Variants in ZNF705B observed in about 807,000 individuals in gnomAD.
ZNF705B encodes the protein zinc finger protein 705B.
ZNF705B carries 1 observed loss-of-function variant against 10.5 expected under a neutral mutation model. The ratio of observed to expected loss-of-function variants is 0.10; its 90% CI spans 0.03 to 0.45. ZNF705B has a LOEUF of 0.45. Among genes scored for constraint, ZNF705B ranks in the 20% least tolerant of loss-of-function variants. The pLI, the probability that ZNF705B is intolerant of heterozygous loss-of-function variation, is 0.97. For missense variants in ZNF705B, 14 were observed against 84.0 expected (o/e 0.17, Z 3.26); for synonymous variants, 4 against 25.4 (o/e 0.16, Z 2.53).
chr8:7,937,061 C>G (rs1437383892), intron 2 of ZNF705B, among the ~76,000 whole-genome samples: 1 of 116,586 alleles, frequency 8.6e-6, no homozygotes. Flanking sequence ...GCTTTAGGAA[C>G]AAAAGATAGA....
At chr8:7,935,241 T>A (rs1164902203) in intron 2 of ZNF705B, among the ~76,000 whole-genome samples, 2 of 116,258 alleles carry the variant, frequency 1.7e-5, no homozygotes, top group South Asian at 3.8e-4. Context: ...GGAACTGGTC[T>A]TTGAGGTTGC....
chr8:7,944,383 G>GA lies in ZNF705B; in HGVS notation c.-71-2966dup, dbSNP rs1820203129. Reference sequence around the variant, plus strand: ...ATAGCACTGGTGTTGAGAATTGAGAGAATCTACTAAATAATAGCACTTTTC... The same window carrying GA: ...ATAGCACTGGTGTTGAGAATTGAGAGAAATCTACTAAATAATAGCACTTTTC... On this transcript the variant is annotated intron_variant, in intron 2 of 6. Coordinates refer to ENST00000400120, the MANE Select transcript of ZNF705B (RefSeq NM_001193630.1). 3.4e-5 allele frequency among the ~76,000 whole-genome samples: 3 copies of GA among 89,072 alleles called. 1 individual carries two copies. The Admixed American group carries it at 4.7e-4, about 14-fold the overall frequency. 58.4% of individuals were successfully genotyped at this position (89,072 alleles called of 152,430 possible). A position where few individuals can be genotyped will look rare whatever the true frequency, so the allele number is the denominator to read the frequency against.
chr8:7,934,728 A>T, intron 2 of ZNF705B, among the ~76,000 whole-genome samples: 2 of 25,784 alleles, frequency 7.8e-5, no homozygotes, highest in African/African-American at 1.2e-4. Flanking sequence ...GTGTTATTTG[A>T]TTTCTTAAAC....
At position 7,949,227 on chromosome 8, in the gene ZNF705B, G is replaced by T; in HGVS notation, c.111G>T (p.Leu37=). ...GAAAGCTGTACAGAGATGTGATGCT[G>T]GAAAATATCAGTCACCTGGTGTCCC... ...SKRKLYRDVM[L]ENISHLVSLG... is the part of the protein sequence containing the mutation. The change falls in exon 4 of 7, where the codon CTG becomes CTT. Residue 37 remains leucine (L), a synonymous_variant. Coordinates refer to ENST00000400120, the MANE Select transcript of ZNF705B (RefSeq NM_001193630.1). 1.2e-6 allele frequency: 1 copy of T among 837,562 alleles called. No homozygotes were observed. The highest frequency in any genetic ancestry group is 1.9e-5 in the South Asian group (1 of 53,230). 51.9% of individuals were successfully genotyped at this position (837,562 alleles called of 1,614,324 possible). A position where few individuals can be genotyped will look rare whatever the true frequency, so the allele number is the denominator to read the frequency against.
chr8:7,931,195 C>T lies in ZNF705B; in HGVS notation c.-72+759C>T, dbSNP rs1262736115. On this transcript the variant is annotated intron_variant, in intron 2 of 6. Coordinates refer to ENST00000400120, the MANE Select transcript of ZNF705B (RefSeq NM_001193630.1). Reference sequence around the variant, plus strand: ...GTGGTGAGCTCGGTAGATAGGCATGCCCTCAAGACCCTGGGAGGCATGTGT... The same window carrying T: ...GTGGTGAGCTCGGTAGATAGGCATGTCCTCAAGACCCTGGGAGGCATGTGT... 2.5e-5 allele frequency among the ~76,000 whole-genome samples: 3 copies of T among 120,972 alleles called. 1 individual carries two copies. The highest frequency in any genetic ancestry group is 6.0e-5 in the Non-Finnish European group (3 of 50,342). The allele number at this position is 120,972 out of a possible 152,430, so 79.4% of individuals were successfully genotyped here.
At chr8:7,944,957 T>G (rs1585004733) in intron 2 of ZNF705B, among the ~76,000 whole-genome samples, 1 of 38,048 alleles carries the variant, frequency 2.6e-5, no homozygotes, top group African/African-American at 5.4e-5. Flanking sequence ...GCAACAGGAG[T>G]GAAACTCTAC....
intron 2 of ZNF705B, among the ~76,000 whole-genome samples, chr8:7,932,264 G>A (rs540019125): frequency 1.1e-4 from 13 of 121,098 alleles, no homozygotes; most frequent in African/African-American, 3.3e-4. Context: ...GCTTTAAGCT[G>A]ATTCTGGCTG....
intron 1 of ZNF705B, among the ~76,000 whole-genome samples, chr8:7,928,265 C>A (rs551611052): frequency 8.4e-6 from 1 of 119,080 alleles, no homozygotes; most frequent in South Asian, 2.9e-4. Context: ...ATATCGTCAC[C>A]ACCTTGGGGG....
intron 2 of ZNF705B, among the ~76,000 whole-genome samples, chr8:7,936,180 A>C (rs1192061762): frequency 1.7e-5 from 2 of 116,874 alleles, no homozygotes; most frequent in African/African-American, 5.2e-5. Flanking sequence ...TTGTGGAATA[A>C]TTGATTAAAA....
chr8:7,927,418 T>C (rs1191281669), intron 1 of ZNF705B, among the ~76,000 whole-genome samples: 4 of 121,356 alleles, frequency 3.3e-5, no homozygotes, highest in South Asian at 2.8e-4. Context: ...TAATGACCAA[T>C]GATGATGAGC....
chr8:7,931,833 AGTGTAGGACACT>A (rs2128942033), intron 2 of ZNF705B, among the ~76,000 whole-genome samples: 1 of 127,452 alleles, frequency 7.8e-6, no homozygotes, highest in Non-Finnish European at 1.8e-5. Flanking sequence ...AGTTCCCTGG[AGTGTAGGACACT>A]GTGTAGGCTA....
chr8:7,928,241 G>T (rs2128940875), intron 1 of ZNF705B, among the ~76,000 whole-genome samples: 1 of 115,422 alleles, frequency 8.7e-6, no homozygotes, highest in South Asian at 3.1e-4. Flanking sequence ...CCTCCTCAAA[G>T]CCCGCACCTT....
At chr8:7,949,688 G>T (rs1385879462) in intron 4 of ZNF705B, among the ~76,000 whole-genome samples, 2 of 70,242 alleles carry the variant, frequency 2.8e-5, no homozygotes, top group African/African-American at 3.8e-5. Context: ...GTTTTTTTTT[G>T]TTCTGCGTGA....
At chr8:7,936,592 A>G (rs1356565667) in intron 2 of ZNF705B, among the ~76,000 whole-genome samples, 2 of 120,130 alleles carry the variant, frequency 1.7e-5, no homozygotes, top group Non-Finnish European at 4.0e-5. Context: ...CAGCTGGAGG[A>G]CTTTATTCTA....
intron 2 of ZNF705B, among the ~76,000 whole-genome samples, chr8:7,930,846 G>GTT (rs5889212): frequency 0.044 from 3,152 of 71,666 alleles, 86 homozygotes; most frequent in African/African-American, 0.093. Flanking sequence ...TATTTTTTTT[G>GTT]TTTTTTTTTT....
intron 2 of ZNF705B, among the ~76,000 whole-genome samples, chr8:7,935,346 G>A (rs1466105419): frequency 6.8e-6 from 1 of 147,462 alleles, no homozygotes; most frequent in African/African-American, 2.4e-5. Context: ...ATATTGAATA[G>A]TATTTCATTT....
chr8:7,928,672 G>A (rs1819763073), intron 1 of ZNF705B, among the ~76,000 whole-genome samples: 2 of 91,586 alleles, frequency 2.2e-5, no homozygotes, highest in Admixed American at 1.5e-4. Flanking sequence ...GGCCCCTAAT[G>A]CGTCACCTAG....
intron 1 of ZNF705B, among the ~76,000 whole-genome samples, chr8:7,927,184 C>A (rs1333319670): frequency 8.6e-6 from 1 of 116,580 alleles, no homozygotes; most frequent in African/African-American, 2.6e-5. Flanking sequence ...TAGGCCTTAT[C>A]TACGACCATC....
chr8:7,931,041 T>G (rs1367552135), intron 2 of ZNF705B, among the ~76,000 whole-genome samples: 1 of 119,324 alleles, frequency 8.4e-6, no homozygotes, highest in African/African-American at 2.5e-5. Context: ...TTAGTAGAGA[T>G]GGAGTTTCTC....
Sources: gnomAD v4.1 joint callset for allele counts (sites outside exome capture counted in the v4.1 genomes callset) on GRCh38, gnomAD v4.1.1 for gene constraint, MANE v1.5 for transcripts, NCBI Gene and HGNC (gene_info 2026-07-23, HGNC 2026-07-21) for gene names.